BAIAP2L2: variants seen among roughly 807,000 people sequenced by gnomAD.
BAIAP2L2 encodes BAR/IMD domain containing adaptor protein 2 like 2.
A neutral mutation model predicts 60.4 loss-of-function variants in BAIAP2L2; 65 were observed. The ratio of observed to expected loss-of-function variants is 1.08; its 90% CI spans 0.88 to 1.32. The LOEUF (loss-of-function observed/expected upper bound fraction) is 1.32, where lower values mean the gene tolerates loss of function less well. BAIAP2L2 is among the 40% of genes most tolerant of loss of function. The pLI is 0.00. For missense variants in BAIAP2L2, 836 were observed against 741.2 expected, an observed-to-expected ratio of 1.13 and a Z score of -1.48; for synonymous variants, 344 against 301.7, an observed-to-expected ratio of 1.14 and a Z score of -1.45.
At chr22:38,094,714 G>A (rs190812310) in intron 7 of BAIAP2L2, among the ~76,000 whole-genome samples, 54 of 152,288 alleles carry the variant, frequency 3.5e-4, no homozygotes, top group Non-Finnish European at 7.2e-4. Context: ...GCCTGGGGCC[G>A]GGTGAGGCGG....
Position 38,110,625 on chromosome 22 carries a change from TG to T in BAIAP2L2, c.-101del. The T allele has an allele frequency of 1.0e-6, 1 of 996,872 alleles. No homozygotes were observed. The highest frequency in any genetic ancestry group is 1.5e-6 in the Non-Finnish European group (1 of 685,302). 61.8% of individuals were successfully genotyped at this position (996,872 alleles called of 1,614,324 possible). ...GTCCCTCAGGTGCCCACGACTCAGC[TG>T]GCAGCGAGGAAGCCTCGGAGAGGGA... On this transcript the variant is annotated 5_prime_UTR_variant, in exon 1 of 14. Transcript: ENST00000381669.
At chr22:38,087,340 C>T in intron 10 of BAIAP2L2, 76 bp from the exon 11 acceptor site, 6 of 1,526,750 alleles carry the variant, frequency 3.9e-6, no homozygotes, top group Non-Finnish European at 5.3e-6. Flanking sequence ...GACATCCTCC[C>T]CTCAGGGTCA....
chr22:38,089,152 C>G lies in BAIAP2L2; in HGVS notation c.845G>C (p.Arg282Thr). 2 of 1,341,854 alleles carry G rather than the reference C, an allele frequency of 1.5e-6. No individual in the cohort carries two copies. Among genetic ancestry groups the G allele is most frequent in the Non-Finnish European group, 9.5e-7 (1 of 1,051,146 alleles). 83.1% of individuals were successfully genotyped at this position (1,341,854 alleles called of 1,614,324 possible). ...SGSYGTEPDA[R>T]PASQLEPDRR... is the part of the protein sequence containing the mutation. ...GTCTGGCTCTAGCTGGGACGCGGGCCTCGCGTCGGGCTCGGTGCCGTAGGA... is the reference window on the plus strand; with the variant it reads ...GTCTGGCTCTAGCTGGGACGCGGGCGTCGCGTCGGGCTCGGTGCCGTAGGA... The change falls in exon 9 of 14, where the codon AGG becomes ACG. Residue 282 changes from arginine (R) to threonine (T), a missense_variant. Arg to Thr is a moderately conservative substitution (Grantham distance 71). Transcript: ENST00000381669.
At chr22:38,094,486 G>T (rs538741906) in intron 7 of BAIAP2L2, among the ~76,000 whole-genome samples, 1 of 151,984 alleles carries the variant, frequency 6.6e-6, no homozygotes, top group Admixed American at 6.6e-5. Flanking sequence ...GCGCCTGGCC[G>T]AGGTACTGGG....
chr22:38,088,716 C>G, intron 10 of BAIAP2L2, 32 bp downstream of exon 10: 28 of 1,159,336 alleles, frequency 2.4e-5, no homozygotes, highest in Non-Finnish European at 3.2e-5. Context: ...TCTTCTCAAC[C>G]CACCCCCGGC....
At chr22:38,109,712 C>G (rs892798796) in intron 1 of BAIAP2L2, among the ~76,000 whole-genome samples, 1 of 151,878 alleles carries the variant, frequency 6.6e-6, no homozygotes, top group African/African-American at 2.4e-5. Context: ...TGGGCCTCCT[C>G]GGGCTGGGGC....
chr22:38,108,255 C>T lies in BAIAP2L2; in HGVS notation c.214G>A (p.Gly72Arg). 6.2e-7 allele frequency: 1 copy of T among 1,611,996 alleles called. No individual in the cohort carries two copies. The highest frequency in any genetic ancestry group is 8.5e-7 in the Non-Finnish European group (1 of 1,179,598). The change falls in exon 3 of 14, where the codon GGG becomes AGG. Residue 72 changes from glycine to arginine, a missense_variant and splice_region_variant. Physicochemically the swap from Gly to Arg is moderately radical, Grantham distance 125. Coordinates refer to ENST00000381669, the MANE Select transcript of BAIAP2L2 (RefSeq NM_025045.6). ...ALQSPTSQIL[G>R]EILVQMSDTQ... ...GTCTGCTGTGGAGGGGGAGCCTCAC[C>T]CAGAATCTGTGAGGTGGGGCTCTGC...
At chr22:38,107,333 C>T (rs897084988) in intron 4 of BAIAP2L2, among the ~76,000 whole-genome samples, 1 of 152,080 alleles carries the variant, frequency 6.6e-6, no homozygotes. Context: ...ACAGCAGCCC[C>T]GCAGCGGGGA....
chr22:38,088,202 T>C (rs1298832845), intron 10 of BAIAP2L2, among the ~76,000 whole-genome samples: 1 of 152,182 alleles, frequency 6.6e-6, no homozygotes, highest in Admixed American at 6.5e-5. Flanking sequence ...GCCTGTCCAT[T>C]CCCTCTGCTA....
At chr22:38,097,719 G>A (rs1178952467) in intron 6 of BAIAP2L2, among the ~76,000 whole-genome samples, 1 of 152,028 alleles carries the variant, frequency 6.6e-6, no homozygotes, top group African/African-American at 2.4e-5. Context: ...AGGGGAGGAG[G>A]ATGGGCGGCT....
At chr22:38,109,270 G>A in intron 1 of BAIAP2L2, 62 bp from the exon 2 acceptor site, 1 of 1,374,178 alleles carries the variant, frequency 7.3e-7, no homozygotes, top group Non-Finnish European at 1.0e-6. Context: ...AGGAACCACG[G>A]ATGGAGTCAA....
chr22:38,110,120 G>GGAGAGAGAGAGAGAGAGAGAGAGA (rs1202491630), intron 1 of BAIAP2L2, among the ~76,000 whole-genome samples: 3 of 18,876 alleles, frequency 1.6e-4, no homozygotes, highest in East Asian at 1.3e-3. Context: ...AGAGAGAGAG[G>GGAGAGAGAGAGAGAGAGAGAGAGA]GAGAGAGAGA....
chr22:38,085,730 T>TTTCTGCAG lies in BAIAP2L2; in HGVS notation c.1468-6_1469dup (p.Lys490AsnfsTer5). 6.3e-7 allele frequency: 1 copy of TTTCTGCAG among 1,597,612 alleles called. No individual in the cohort carries two copies. Among genetic ancestry groups the TTTCTGCAG allele is most frequent in the Non-Finnish European group, 8.5e-7 (1 of 1,174,088 alleles). On this transcript the variant is annotated frameshift_variant and splice_region_variant, in exon 13 of 14. Transcript: ENST00000381669. LOFTEE classifies it high-confidence loss of function. ...GTGGGTACTGCTCTGAGGACATCAG[T>TTTCTGCAG]TTCTGCAGTGGGGGTGGGGAAGGGC...
rs199777976 is a variant in BAIAP2L2 at position 38,110,546 on chromosome 22, G to A, written c.-21C>T. On this transcript the variant is annotated 5_prime_UTR_variant, in exon 1 of 14. Transcript: ENST00000381669. Reference sequence around the variant, plus strand: ...GCCATGGAGGGGCTGTCCCGGGTCTGAGCAGGAGGCTGGGAGCTGGTGGCG... The same window carrying A: ...GCCATGGAGGGGCTGTCCCGGGTCTAAGCAGGAGGCTGGGAGCTGGTGGCG... 2.8e-5 allele frequency: 45 copies of A among 1,600,780 alleles called. No individual in the cohort carries two copies. The African/African-American group carries it at 5.5e-4, about 20-fold the overall frequency.
chr22:38,098,188 G>A lies in BAIAP2L2; in HGVS notation c.349-9C>T, dbSNP rs774140016. The stretch of plus-strand genomic sequence containing the variant: ...TAGTGCTGGCGGCTGTCCTGGGGTA[G>A]GGTGGAGTCGGGGAGGGAGAATCCC... On this transcript the variant is annotated splice_polypyrimidine_tract_variant and intron_variant, in intron 5 of 13. Transcript: ENST00000381669. 2.5e-6 allele frequency: 4 copies of A among 1,613,352 alleles called. No individual in the cohort carries two copies. Among genetic ancestry groups the A allele is most frequent in the Non-Finnish European group, 3.4e-6 (4 of 1,179,614 alleles).
chr22:38,085,717 C>T lies in BAIAP2L2; in HGVS notation c.1483G>A (p.Glu495Lys), dbSNP rs777033428. Reference sequence around the variant, plus strand: ...AAGAGCTCCTGTGGTGGGTACTGCTCTGAGGACATCAGTTTCTGCAGTGGG... The same window carrying T: ...AAGAGCTCCTGTGGTGGGTACTGCTTTGAGGACATCAGTTTCTGCAGTGGG... ...ATDVKKLMSS[E>K]QYPPQELFPR... Residue 495 changes from glutamate (E) to lysine (K), a missense_variant, in exon 13 of 14, where the codon GAG (glutamate) becomes AAG (lysine). Coordinates refer to ENST00000381669, the MANE Select transcript of BAIAP2L2 (RefSeq NM_025045.6). The T allele has an allele frequency of 6.2e-7, 1 of 1,604,562 alleles. No individual in the cohort carries two copies. Among genetic ancestry groups the T allele is most frequent in the South Asian group, 1.1e-5 (1 of 89,144 alleles).
At chr22:38,094,032 G>C (rs2086369330) in intron 7 of BAIAP2L2, 7 of 455,554 alleles carry the variant, frequency 1.5e-5, no homozygotes, top group Non-Finnish European at 4.4e-6. Flanking sequence ...TTATCCAGCA[G>C]TGAAAAGGAA....
At chr22:38,088,082 C>T (rs2086153909) in intron 10 of BAIAP2L2, among the ~76,000 whole-genome samples, 1 of 152,228 alleles carries the variant, frequency 6.6e-6, no homozygotes, top group Non-Finnish European at 1.5e-5. Context: ...CTGCTTCTCT[C>T]CTGCAGCAGG....
chr22:38,098,076 AC>A lies in BAIAP2L2; in HGVS notation c.451del (p.Val151CysfsTer4). 1 of 1,455,212 alleles carries A rather than the reference AC, an allele frequency of 6.9e-7. No individual in the cohort carries two copies. The highest frequency in any genetic ancestry group is 9.2e-7 in the Non-Finnish European group (1 of 1,085,504). 90.1% of individuals were successfully genotyped at this position (1,455,212 alleles called of 1,614,324 possible). A position where few individuals can be genotyped will look rare whatever the true frequency, so the allele number is the denominator to read the frequency against. Reference sequence around the variant, plus strand: ...CGGCCCTCGCACCTTCATCTCCCGCACGTTCTTGTCTCTCTTGCGCTCCATG... The same window carrying A: ...CGGCCCTCGCACCTTCATCTCCCGCAGTTCTTGTCTCTCTTGCGCTCCATG... ...WRMERKRDKN[V>X]REMKESVNRL... On this transcript the variant is annotated frameshift_variant, in exon 6 of 14. Transcript: ENST00000381669. LOFTEE classifies it high-confidence loss of function.
Sources: gnomAD v4.1 joint callset for allele counts (sites outside exome capture counted in the v4.1 genomes callset) on GRCh38, gnomAD v4.1.1 for gene constraint, MANE v1.5 for transcripts, NCBI Gene and HGNC (gene_info 2026-07-23, HGNC 2026-07-21) for gene names.